The following CSMD1 variants were observed in gnomAD, a reference collection of about 807,000 sequenced individuals.
The protein encoded by CSMD1 is CUB and sushi domain-containing protein 1.
CSMD1 carries 213 observed loss-of-function variants against 417.5 expected under a neutral mutation model. That is an observed-to-expected ratio of 0.51 (90% CI 0.46 to 0.57). CSMD1 has a LOEUF of 0.57. Among genes scored for constraint, CSMD1 ranks in the 20% least tolerant of loss-of-function variants. The pLI, the probability that CSMD1 is intolerant of heterozygous loss-of-function variation, is 0.00. For synonymous variants in CSMD1, 2,862 were observed against 1,736.8 expected (o/e 1.65, Z -16.11); for missense variants, 6,923 against 4,529.7 (o/e 1.53, Z -15.17).
Position 4,016,808 on chromosome 8 carries a change from T to A in CSMD1, c.610+15097A>T, listed in dbSNP as rs139980236. The stretch of plus-strand genomic sequence containing the variant: ...TTGGGTTTTTTTGGTCGTTGTTTTA[T>A]TTGACATCCATGAGGTTGTTGGAAG... On this transcript the variant is annotated intron_variant, in intron 4 of 69. Transcript: ENST00000635120. 8.0e-3 allele frequency among the ~76,000 whole-genome samples: 1,218 copies of A among 152,342 alleles called. 6 individuals carry two copies. Among genetic ancestry groups the A allele is most frequent in the Non-Finnish European group, 0.012 (810 of 68,032 alleles).
intron 3 of CSMD1, among the ~76,000 whole-genome samples, chr8:4,077,290 T>TAC (rs1799870371): frequency 1.1e-5 from 1 of 94,544 alleles, no homozygotes; most frequent in Non-Finnish European, 2.4e-5. Context: ...TATATATATA[T>TAC]ATATGTGTAT....
intron 5 of CSMD1, among the ~76,000 whole-genome samples, chr8:3,983,546 G>A (rs567024272): frequency 3.3e-5 from 5 of 152,274 alleles, no homozygotes; most frequent in African/African-American, 1.2e-4. Context: ...TTTCAGTGCC[G>A]TGGAGAAGGA....
chr8:3,986,187 G>A (rs569595737), intron 5 of CSMD1, among the ~76,000 whole-genome samples: 40 of 152,176 alleles, frequency 2.6e-4, no homozygotes, highest in African/African-American at 9.2e-4. Context: ...TTTATTTTAA[G>A]CTGCCCCTCG....
chr8:4,396,322 C>T (rs1385976804), intron 3 of CSMD1, among the ~76,000 whole-genome samples: 1 of 151,478 alleles, frequency 6.6e-6, no homozygotes, highest in Non-Finnish European at 1.5e-5. Flanking sequence ...AAAAAAATAG[C>T]CAGGCATGGT....
chr8:4,250,598 T>C (rs778404288), intron 3 of CSMD1, among the ~76,000 whole-genome samples: 3 of 152,162 alleles, frequency 2.0e-5, no homozygotes, highest in Non-Finnish European at 2.9e-5. Flanking sequence ...ACGATTATAA[T>C]TGATAGGTCT....
At chr8:4,402,784 A>AT (rs1444787064) in intron 3 of CSMD1, among the ~76,000 whole-genome samples, 5 of 142,470 alleles carry the variant, frequency 3.5e-5, no homozygotes, top group Admixed American at 2.8e-4. Flanking sequence ...TGTGAGTATA[A>AT]TGTCCTCACT....
intron 5 of CSMD1, among the ~76,000 whole-genome samples, chr8:3,825,197 G>A (rs972716975): frequency 6.6e-6 from 1 of 152,038 alleles, no homozygotes. Flanking sequence ...CTGATTCCCT[G>A]AAGGAGTCAT....
At chr8:3,303,683 T>C (rs1483215851) in intron 25 of CSMD1, among the ~76,000 whole-genome samples, 1 of 152,190 alleles carries the variant, frequency 6.6e-6, no homozygotes, top group Non-Finnish European at 1.5e-5. Context: ...TAGCCTTTAA[T>C]GTTGCTAGCT....
intron 3 of CSMD1, among the ~76,000 whole-genome samples, chr8:4,356,565 G>A (rs1000277024): frequency 6.6e-6 from 1 of 152,142 alleles, no homozygotes; most frequent in African/African-American, 2.4e-5. Flanking sequence ...CATTTTAAAT[G>A]TCTGTTTCAG....
chr8:3,612,462 T>C (rs1168429607), intron 8 of CSMD1, among the ~76,000 whole-genome samples: 1 of 152,082 alleles, frequency 6.6e-6, no homozygotes, highest in East Asian at 1.9e-4. Flanking sequence ...TTGATCTAAC[T>C]GACATTTATG....
At chr8:3,910,249 T>C (rs979994947) in intron 5 of CSMD1, among the ~76,000 whole-genome samples, 4 of 152,268 alleles carry the variant, frequency 2.6e-5, no homozygotes, top group East Asian at 1.9e-4. Context: ...GAGGAAAATA[T>C]GTCAGAGGCG....
intron 18 of CSMD1, among the ~76,000 whole-genome samples, chr8:3,376,448 T>C (rs1183243128): frequency 6.6e-6 from 1 of 151,980 alleles, no homozygotes; most frequent in African/African-American, 2.4e-5. Flanking sequence ...TATATCTTAT[T>C]CATAATAAAA....
intron 5 of CSMD1, among the ~76,000 whole-genome samples, chr8:3,901,579 A>G (rs1807755375): frequency 6.6e-6 from 1 of 152,226 alleles, no homozygotes; most frequent in Non-Finnish European, 1.5e-5. Context: ...CCTCATTCGG[A>G]GAGCCTTGGG....
At chr8:4,721,618 T>C (rs536593785) in intron 1 of CSMD1, among the ~76,000 whole-genome samples, 2 of 152,182 alleles carry the variant, frequency 1.3e-5, no homozygotes, top group Non-Finnish European at 1.5e-5. Flanking sequence ...TGAATATAGA[T>C]TGGTATAGCC....
intron 20 of CSMD1, among the ~76,000 whole-genome samples, chr8:3,365,318 G>A (rs1416414655): frequency 6.6e-6 from 1 of 152,148 alleles, no homozygotes; most frequent in Non-Finnish European, 1.5e-5. Flanking sequence ...TAAGATAAAT[G>A]GCAACTAGGT....
At chr8:3,907,450 C>A (rs757233545) in intron 5 of CSMD1, among the ~76,000 whole-genome samples, 11 of 152,066 alleles carry the variant, frequency 7.2e-5, no homozygotes, top group Non-Finnish European at 1.3e-4. Context: ...GCAAAGCTGT[C>A]GAGGTACACT....
Position 2,974,451 on chromosome 8 carries a change from C to G in CSMD1, c.8740G>C (p.Gly2914Arg). Reference protein sequence around the residue: ...HWSGALPHCTGNNPGFCGDPG... With the variant: ...HWSGALPHCTRNNPGFCGDPG... ...GTCAGTTCACTCGTAAGCCCCTCAC[C>G]TGTGCAGTGGGGCAGTGCCCCGCTC... Residue 2914 changes from glycine to arginine, a missense_variant and splice_region_variant, in exon 56 of 70, where the codon GGA becomes CGA. Gly to Arg is a moderately radical substitution (Grantham distance 125, BLOSUM62 -2). Coordinates refer to ENST00000635120, the MANE Select transcript of CSMD1 (RefSeq NM_033225.6). 6.3e-7 allele frequency: 1 copy of G among 1,591,588 alleles called. No homozygotes were observed. The highest frequency in any genetic ancestry group is 8.6e-7 in the Non-Finnish European group (1 of 1,165,688).
intron 1 of CSMD1, among the ~76,000 whole-genome samples, chr8:4,940,211 C>A (rs1048203794): frequency 1.3e-5 from 2 of 152,036 alleles, no homozygotes; most frequent in African/African-American, 2.4e-5. Flanking sequence ...TCCTGGCCAC[C>A]CTAGTCAAAG....
At chr8:4,372,579 G>C (rs542114496) in intron 3 of CSMD1, among the ~76,000 whole-genome samples, 2 of 151,380 alleles carry the variant, frequency 1.3e-5, no homozygotes, top group Non-Finnish European at 2.9e-5. Flanking sequence ...CTAGGTTTGA[G>C]GTACACTTAA....
Sources: gnomAD v4.1 joint callset for allele counts (sites outside exome capture counted in the v4.1 genomes callset) on GRCh38, gnomAD v4.1.1 for gene constraint, MANE v1.5 for transcripts, NCBI Gene and HGNC (gene_info 2026-07-23, HGNC 2026-07-21) for gene names.